The following THSD4 variants were observed in gnomAD, a reference collection of about 807,000 sequenced individuals.
The protein encoded by THSD4 is thrombospondin type-1 domain-containing protein 4.
THSD4 carries 69 observed loss-of-function variants against 119.0 expected under a neutral mutation model. The observed-to-expected ratio is 0.58, with a 90% CI of 0.48 to 0.71. The LOEUF (loss-of-function observed/expected upper bound fraction) is 0.71, where lower values mean the gene tolerates loss of function less well. Ranked by LOEUF, THSD4 falls within the 30% of genes least tolerant of loss-of-function variation. THSD4 has a pLI of 0.00. For synonymous variants in THSD4, 524 were observed against 540.4 expected (o/e 0.97, Z 0.42); for missense variants, 1,393 against 1,391.1 (o/e 1.00, Z -0.02).
chr15:71,494,443 A>G (rs2047977946), intron 7 of THSD4, among the ~76,000 whole-genome samples: 1 of 152,178 alleles, frequency 6.6e-6, no homozygotes. Context: ...GTAGCTCCCC[A>G]ATAGGACACT....
chr15:71,538,524 A>T (rs1341504021), intron 7 of THSD4, among the ~76,000 whole-genome samples: 1 of 152,244 alleles, frequency 6.6e-6, no homozygotes, highest in African/African-American at 2.4e-5. Flanking sequence ...AGAAAATAAG[A>T]TTTCATAAAA....
intron 7 of THSD4, among the ~76,000 whole-genome samples, chr15:71,641,035 G>A (rs1325653030): frequency 1.3e-5 from 2 of 151,294 alleles, no homozygotes; most frequent in Admixed American, 1.3e-4. Context: ...TGATCATTTA[G>A]TCTTTCCCTG....
chr15:71,274,323 A>G (rs972245261), intron 6 of THSD4, among the ~76,000 whole-genome samples: 1 of 152,176 alleles, frequency 6.6e-6, no homozygotes, highest in Non-Finnish European at 1.5e-5. Flanking sequence ...TTGAAATGTA[A>G]CACGCAAGTA....
chr15:71,126,379 C>T (rs2040456883), intron 1 of THSD4, among the ~76,000 whole-genome samples: 1 of 152,176 alleles, frequency 6.6e-6, no homozygotes, highest in African/African-American at 2.4e-5. Flanking sequence ...CTTTCCCCCT[C>T]GGGTGTTACT....
intron 6 of THSD4, chr15:71,348,340 G>A (rs917768728): frequency 7.9e-5 from 12 of 152,224 alleles, no homozygotes; most frequent in African/African-American, 2.9e-4. Flanking sequence ...GCATTTTAAT[G>A]AACCTCAATT....
chr15:71,224,347 C>T (rs1250933784), intron 4 of THSD4, among the ~76,000 whole-genome samples: 1 of 152,164 alleles, frequency 6.6e-6, no homozygotes, highest in African/African-American at 2.4e-5. Flanking sequence ...AAGACAGTCC[C>T]TATAAACATG....
At chr15:71,662,437 T>G (rs1404365634) in intron 8 of THSD4, among the ~76,000 whole-genome samples, 1 of 152,210 alleles carries the variant, frequency 6.6e-6, no homozygotes, top group Non-Finnish European at 1.5e-5. Context: ...TTTGTGTGTT[T>G]CCTCCTTTCT....
intron 7 of THSD4, among the ~76,000 whole-genome samples, chr15:71,587,697 G>T (rs368053200): frequency 2.3e-5 from 3 of 128,090 alleles, no homozygotes; most frequent in South Asian, 3.0e-4. Flanking sequence ...TGGGTGCAGC[G>T]CACCAGCATG....
chr15:71,153,169 G>A (rs1048185857), intron 2 of THSD4, among the ~76,000 whole-genome samples: 23 of 152,178 alleles, frequency 1.5e-4, no homozygotes, highest in African/African-American at 5.3e-4. Context: ...AGCTCTGAAT[G>A]TTGTCCCTCT....
At position 71,375,463 on chromosome 15, in the gene THSD4, C is replaced by G. The variant is rs536104468; in HGVS notation, c.1016-36224C>G. Among the ~76,000 whole-genome samples the G allele has an allele frequency of 9.2e-5, 14 of 152,268 alleles. No homozygotes were observed. The East Asian group carries it at 2.7e-3, about 29-fold the overall frequency. ...CACTTTCACACTGAATTGTAATTGCCTGTTCAGTTGTTTGGGTCACTCTTC... is the reference window on the plus strand; with the variant it reads ...CACTTTCACACTGAATTGTAATTGCGTGTTCAGTTGTTTGGGTCACTCTTC... On this transcript the variant is annotated intron_variant, in intron 6 of 17. Transcript: ENST00000261862.
At chr15:71,216,822 G>A (rs565455493) in intron 4 of THSD4, among the ~76,000 whole-genome samples, 68 of 152,294 alleles carry the variant, frequency 4.5e-4, no homozygotes, top group Non-Finnish European at 9.4e-4. Flanking sequence ...TTTTGAGACA[G>A]AGTCTCACGC....
intron 7 of THSD4, among the ~76,000 whole-genome samples, chr15:71,616,141 A>G (rs543597374): frequency 3.9e-4 from 60 of 152,220 alleles, no homozygotes; most frequent in African/African-American, 1.4e-3. Flanking sequence ...AACCACATCT[A>G]AGCTTGATGG....
intron 1 of THSD4, among the ~76,000 whole-genome samples, chr15:71,118,418 T>C (rs1332894850): frequency 6.6e-6 from 1 of 152,142 alleles, no homozygotes; most frequent in East Asian, 1.9e-4. Flanking sequence ...CCAGCCTTTC[T>C]TGCACACACT....
chr15:71,764,073 AAAAT>A (rs373462172), intron 15 of THSD4, among the ~76,000 whole-genome samples: 4 of 151,844 alleles, frequency 2.6e-5, no homozygotes, highest in Admixed American at 6.6e-5. Context: ...CCTCAAAAAA[AAAAT>A]AAATAAATAA....
chr15:71,396,336 C>G (rs1275546855), intron 6 of THSD4, among the ~76,000 whole-genome samples: 2 of 152,068 alleles, frequency 1.3e-5, no homozygotes, highest in African/African-American at 4.8e-5. Flanking sequence ...GTATACATAC[C>G]TATTTTACTG....
chr15:71,450,647 T>C (rs898735380), intron 7 of THSD4, among the ~76,000 whole-genome samples: 7 of 152,210 alleles, frequency 4.6e-5, no homozygotes, highest in African/African-American at 1.4e-4. Flanking sequence ...ATAACTCAGC[T>C]CAAATTGTTC....
Position 71,418,353 on chromosome 15 carries a change from C to CT in THSD4, c.1152+6534dup, listed in dbSNP as rs1346896193. Among the ~76,000 whole-genome samples, 2 of 108,174 alleles carry CT rather than the reference C, an allele frequency of 1.8e-5. 1 individual carries two copies. The highest frequency in any genetic ancestry group is 4.1e-5 in the Non-Finnish European group (2 of 49,178). The allele number at this position is 108,174 out of a possible 152,430, so 71.0% of individuals were successfully genotyped here. A position where few individuals can be genotyped will look rare whatever the true frequency, so the allele number is the denominator to read the frequency against. Reference sequence around the variant, plus strand: ...CTTGTTCCAGATCTTAGAGGAAAGGCTTTTGGTTTTTCTCTATTCAGTATG... The same window carrying CT: ...CTTGTTCCAGATCTTAGAGGAAAGGCTTTTTGGTTTTTCTCTATTCAGTATG... On this transcript the variant is annotated intron_variant, in intron 7 of 17. Coordinates refer to ENST00000261862, the MANE Select transcript of THSD4 (RefSeq NM_024817.3).
At chr15:71,689,819 G>C (rs977335632) in intron 8 of THSD4, among the ~76,000 whole-genome samples, 1 of 152,202 alleles carries the variant, frequency 6.6e-6, no homozygotes, top group Admixed American at 6.5e-5. Flanking sequence ...TTTCCCTCCA[G>C]TTTGGGTTCT....
At chr15:71,762,102 G>A (rs1036985076) in intron 15 of THSD4, among the ~76,000 whole-genome samples, 13 of 151,832 alleles carry the variant, frequency 8.6e-5, no homozygotes, top group Admixed American at 2.6e-4. Flanking sequence ...GTCCATCAAG[G>A]CTGATTGCCC....
Sources: gnomAD v4.1 joint callset for allele counts (sites outside exome capture counted in the v4.1 genomes callset) on GRCh38, gnomAD v4.1.1 for gene constraint, MANE v1.5 for transcripts, NCBI Gene and HGNC (gene_info 2026-07-23, HGNC 2026-07-21) for gene names.